The following RFTN1 variants were observed in gnomAD, a reference collection of about 807,000 sequenced individuals.
The protein encoded by RFTN1 is raftlin, lipid raft linker 1.
A neutral mutation model predicts 46.5 loss-of-function variants in RFTN1; 26 were observed. The observed-to-expected ratio is 0.56, with a 90% confidence interval of 0.41 to 0.78. The LOEUF (loss-of-function observed/expected upper bound fraction) is 0.78. RFTN1 is among the 30% of genes least tolerant of loss of function. The probability of loss-of-function intolerance (pLI) is 0.00; values close to 1 mark genes in which losing one functional copy is unlikely to be tolerated. For missense variants in RFTN1, 693 were observed against 718.7 expected, an observed-to-expected ratio of 0.96 and a Z score of 0.41; for synonymous variants, 261 against 284.2, an observed-to-expected ratio of 0.92 and a Z score of 0.82.
In RFTN1 at chr3:16,481,450, C is replaced by T. The variant is rs2076366438; in HGVS notation, c.145+12275G>A. On this transcript the variant is annotated intron_variant, in intron 2 of 9. Transcript: ENST00000334133. The surrounding 1 kb of genome is among the most constrained non-coding windows in gnomAD (Gnocchi z 5.1). Reference sequence around the variant, plus strand: ...AACATGGTCTGTTTTTAACACACCTCCCAGCCAGAACCTCAACTCATAACT... The same window carrying T: ...AACATGGTCTGTTTTTAACACACCTTCCAGCCAGAACCTCAACTCATAACT... Among the ~76,000 whole-genome samples the T allele has an allele frequency of 1.3e-5, 2 of 152,186 alleles. No individual in the cohort carries two copies. The highest frequency in any genetic ancestry group is 6.5e-5 in the Admixed American group (1 of 15,286).
In RFTN1 at chr3:16,337,883, G is replaced by T. The variant is rs1452465022; in HGVS notation, c.1147-11007C>A. Among the ~76,000 whole-genome samples the T allele has an allele frequency of 1.3e-5, 2 of 152,194 alleles. No homozygotes were observed. Among genetic ancestry groups the T allele is most frequent in the Non-Finnish European group, 2.9e-5 (2 of 68,038 alleles). On this transcript the variant is annotated intron_variant, in intron 7 of 9. Coordinates refer to ENST00000334133, the MANE Select transcript of RFTN1 (RefSeq NM_015150.2). The surrounding 1 kb of genome is among the most constrained non-coding windows in gnomAD (Gnocchi z 5.0). ...CCTAGCCCTTATTTGCTCCAGGCCG[G>T]ACACTTTGGCCTTGCATTACCTCTG...
intron 4 of RFTN1, among the ~76,000 whole-genome samples, chr3:16,408,326 G>A (rs1254544986): frequency 6.6e-6 from 1 of 152,142 alleles, no homozygotes; most frequent in East Asian, 1.9e-4. Context: ...ACACTCACTA[G>A]TTCGGCTGTT....
intron 4 of RFTN1, among the ~76,000 whole-genome samples, chr3:16,394,140 G>A (rs1047535158): frequency 6.6e-6 from 1 of 152,088 alleles, no homozygotes; most frequent in African/African-American, 2.4e-5. Flanking sequence ...GCCAGGATGG[G>A]AGGATCACTT....
In RFTN1 at chr3:16,371,765, G is replaced by A. The variant is rs144684819; in HGVS notation, c.827-1486C>T. 7.3e-3 allele frequency among the ~76,000 whole-genome samples: 1,114 copies of A among 152,266 alleles called. 6 individuals are homozygous for A. Among genetic ancestry groups the A allele is most frequent in the Non-Finnish European group, 0.012 (818 of 68,014 alleles). The stretch of plus-strand genomic sequence containing the variant: ...ATTCTAGCCTGTTCATCATCCCCAC[G>A]CCAAGTTGCTTTTCTCAGCCCTCCT... On this transcript the variant is annotated intron_variant, in intron 5 of 9. Transcript: ENST00000334133.
chr3:16,510,471 C>T (rs983856246), intron 1 of RFTN1, among the ~76,000 whole-genome samples: 1 of 152,186 alleles, frequency 6.6e-6, no homozygotes, highest in Non-Finnish European at 1.5e-5. Context: ...TTCATCTGAT[C>T]GTCTGCAATG....
chr3:16,368,014 C>T (rs564856855), intron 6 of RFTN1, among the ~76,000 whole-genome samples: 1 of 152,118 alleles, frequency 6.6e-6, no homozygotes, highest in Non-Finnish European at 1.5e-5. Flanking sequence ...CATCAGTTTC[C>T]TAGGGAGGAA....
intron 4 of RFTN1, among the ~76,000 whole-genome samples, chr3:16,397,094 A>G (rs1385213665): frequency 6.6e-6 from 1 of 151,012 alleles, no homozygotes; most frequent in Non-Finnish European, 1.5e-5. Flanking sequence ...AAAGAGAGAG[A>G]GAAGAAAACC....
chr3:16,351,351 C>T lies in RFTN1; in HGVS notation c.1146+6581G>A, dbSNP rs1330953433. Among the ~76,000 whole-genome samples, 2 of 152,104 alleles carry T rather than the reference C, an allele frequency of 1.3e-5. No homozygotes were observed. The highest frequency in any genetic ancestry group is 4.8e-5 in the African/African-American group (2 of 41,400). ...CAGGGAAGCCAAGGCTGGAAGATCC[C>T]CAGAATGAAGGATGATATATCCATG... On this transcript the variant is annotated intron_variant, in intron 7 of 9. Transcript: ENST00000334133. This position sits in a 1 kb window ranked among gnomAD's most constrained non-coding sequence, Gnocchi z 5.4.
chr3:16,396,908 C>CA (rs1365579754), intron 4 of RFTN1, among the ~76,000 whole-genome samples: 1 of 151,750 alleles, frequency 6.6e-6, no homozygotes, highest in Admixed American at 6.6e-5. Flanking sequence ...ACTAAAAATA[C>CA]AAAAATTAGC....
chr3:16,460,170 G>A lies in RFTN1; in HGVS notation c.146-26133C>T, dbSNP rs780644777. Among the ~76,000 whole-genome samples, 1 of 151,912 alleles carries A rather than the reference G, an allele frequency of 6.6e-6. No individual in the cohort carries two copies. Among genetic ancestry groups the A allele is most frequent in the African/African-American group, 2.4e-5 (1 of 41,324 alleles). On this transcript the variant is annotated intron_variant, in intron 2 of 9. Transcript: ENST00000334133. This position sits in a 1 kb window ranked among gnomAD's most constrained non-coding sequence, Gnocchi z 4.8. ...AAACTGTGTAGATTATTCTGGCCCT[G>A]CAAAACACAGAAGTGTCTCAATTTC...
At chr3:16,325,076 A>G (rs555635318) in intron 8 of RFTN1, among the ~76,000 whole-genome samples, 2 of 152,174 alleles carry the variant, frequency 1.3e-5, no homozygotes, top group Non-Finnish European at 2.9e-5. Flanking sequence ...TTTACATGTT[A>G]CTGCATTCAG....
At chr3:16,403,824 T>TATATA (rs1445774018) in intron 4 of RFTN1, among the ~76,000 whole-genome samples, 4 of 7,314 alleles carry the variant, frequency 5.5e-4, no homozygotes, top group African/African-American at 5.2e-3. Context: ...TTATATTATA[T>TATATA]TTATATATAA....
In RFTN1 at chr3:16,400,345, G is replaced by T. The variant is rs538959432; in HGVS notation, c.441+9030C>A. 3.3e-5 allele frequency among the ~76,000 whole-genome samples: 5 copies of T among 152,152 alleles called. No homozygotes were observed. Among genetic ancestry groups the T allele is most frequent in the Non-Finnish European group, 5.9e-5 (4 of 68,028 alleles). On this transcript the variant is annotated intron_variant, in intron 4 of 9. Transcript: ENST00000334133. This position sits in a 1 kb window ranked among gnomAD's most constrained non-coding sequence, Gnocchi z 4.5. ...CTCCCCTGTTGACCCTCAGGTCTTG[G>T]TATGTACACTTCATGGAGCACTCCC...
Position 16,489,457 on chromosome 3 carries a change from TG to T in RFTN1, c.145+4267del, listed in dbSNP as rs2076505558. Among the ~76,000 whole-genome samples the T allele has an allele frequency of 2.0e-5, 3 of 152,164 alleles. No homozygotes were observed. The South Asian group carries it at 6.2e-4, about 32-fold the overall frequency. On this transcript the variant is annotated intron_variant, in intron 2 of 9. Coordinates refer to ENST00000334133, the MANE Select transcript of RFTN1 (RefSeq NM_015150.2). This position sits in a 1 kb window ranked among gnomAD's most constrained non-coding sequence, Gnocchi z 4.0. The stretch of plus-strand genomic sequence containing the variant: ...GATGGAGAGGAGATTAGTGGTTGTC[TG>T]GGGTTGGAGGGATAACAAAGGGGCA...
intron 4 of RFTN1, among the ~76,000 whole-genome samples, chr3:16,396,298 T>A (rs73041489): frequency 0.035 from 5,331 of 152,044 alleles, 133 homozygotes; most frequent in Middle Eastern, 0.075. Context: ...TTAAAAAAAA[T>A]TTTTTTTAGA....
intron 1 of RFTN1, among the ~76,000 whole-genome samples, chr3:16,496,171 G>C (rs1346923878): frequency 6.6e-6 from 1 of 152,246 alleles, no homozygotes; most frequent in Admixed American, 6.5e-5. Context: ...AGAAAGAGAG[G>C]AAGCCCCGAT....
In RFTN1 at chr3:16,452,954, T is replaced by G. The variant is rs2124910247; in HGVS notation, c.146-18917A>C. On this transcript the variant is annotated intron_variant, in intron 2 of 9. Coordinates refer to ENST00000334133, the MANE Select transcript of RFTN1 (RefSeq NM_015150.2). The surrounding 1 kb of genome is among the most constrained non-coding windows in gnomAD (Gnocchi z 6.3). ...CCCTTAAAAATGAGAATGAGGATGA[T>G]GATGATGATGATAGAAGTATTATGG... 6.6e-6 allele frequency among the ~76,000 whole-genome samples: 1 copy of G among 152,306 alleles called. No individual in the cohort carries two copies. Among genetic ancestry groups the G allele is most frequent in the South Asian group, 2.1e-4 (1 of 4,824 alleles).
Position 16,479,984 on chromosome 3 carries a change from G to C in RFTN1, c.145+13741C>G, listed in dbSNP as rs932542168. ...TATAGGAGAACAGACACCAGACTAG[G>C]ACATTAAAAACTCCAGAATTTGGTG... On this transcript the variant is annotated intron_variant, in intron 2 of 9. Transcript: ENST00000334133. This position sits in a 1 kb window ranked among gnomAD's most constrained non-coding sequence, Gnocchi z 5.1. 6.6e-6 allele frequency among the ~76,000 whole-genome samples: 1 copy of C among 152,156 alleles called. No homozygotes were observed. The highest frequency in any genetic ancestry group is 1.5e-5 in the Non-Finnish European group (1 of 68,022).
Position 16,422,368 on chromosome 3 carries a change from C to T in RFTN1, c.332+11483G>A, listed in dbSNP as rs576941936. ...TGCCCTGGCCGGGTGTGGTGGCTCA[C>T]GCCTGTAATCCCAGCACTTTGGGAG... is the stretch of plus-strand genomic sequence containing the variant. On this transcript the variant is annotated intron_variant, in intron 3 of 9. Coordinates refer to ENST00000334133, the MANE Select transcript of RFTN1 (RefSeq NM_015150.2). The surrounding 1 kb of genome is among the most constrained non-coding windows in gnomAD (Gnocchi z 4.6). 8.5e-5 allele frequency among the ~76,000 whole-genome samples: 13 copies of T among 152,192 alleles called. No homozygotes were observed. In the East Asian group the frequency reaches 1.2e-3, roughly 14 times the overall value.
Sources: allele counts gnomAD v4.1 joint callset (sites outside exome capture counted in the v4.1 genomes callset), GRCh38; gene constraint gnomAD v4.1.1; non-coding constraint Gnocchi (gnomAD v3.1); transcripts MANE v1.5; gene names NCBI Gene and HGNC (gene_info 2026-07-23, HGNC 2026-07-21).